LRCH1: variants seen among roughly 807,000 people sequenced by gnomAD.
LRCH1 encodes the protein leucine-rich repeat and calponin homology domain-containing protein 1.
In LRCH1, 23 loss-of-function variants were observed where a neutral mutation model predicts 94.9. The ratio of observed to expected loss-of-function variants is 0.24; its 90% confidence interval spans 0.17 to 0.34. LRCH1 has a LOEUF of 0.34. Among genes scored for constraint, LRCH1 ranks in the 10% least tolerant of loss-of-function variants. LRCH1 has a pLI of 1.00. For synonymous variants in LRCH1, 364 were observed against 354.9 expected, an observed-to-expected ratio of 1.03 and a Z score of -0.29; for missense variants, 790 against 945.9, an observed-to-expected ratio of 0.84 and a Z score of 2.16.
intron 1 of LRCH1, among the ~76,000 whole-genome samples, chr13:46,626,324 T>TAAACGTATACATCCAGATGGCCTGAAG (rs2050949305): frequency 1.3e-5 from 2 of 152,120 alleles, no homozygotes; most frequent in African/African-American, 4.8e-5. Context: ...CCCTGTGACT[T>TAAACGTATACATCCAGATGGCCTGAAG]AAACGTATAC....
intron 2 of LRCH1, among the ~76,000 whole-genome samples, chr13:46,655,773 T>A (rs1464652203): frequency 6.6e-6 from 1 of 152,164 alleles, no homozygotes; most frequent in Admixed American, 6.5e-5. Flanking sequence ...GGGACCTTGG[T>A]TAAAAAGTCT....
chr13:46,628,641 A>G (rs2050979387), intron 1 of LRCH1, among the ~76,000 whole-genome samples: 1 of 142,710 alleles, frequency 7.0e-6, no homozygotes, highest in African/African-American at 2.7e-5. Flanking sequence ...TGGGCGACAG[A>G]GCGATTCTCT....
chr13:46,731,641 T>C (rs1292112803), intron 18 of LRCH1, among the ~76,000 whole-genome samples: 4 of 152,234 alleles, frequency 2.6e-5, no homozygotes, highest in African/African-American at 7.2e-5. Context: ...TATCCACTTC[T>C]ACATGTCCAA....
chr13:46,686,626 G>A (rs754862422), intron 5 of LRCH1, among the ~76,000 whole-genome samples: 2 of 152,142 alleles, frequency 1.3e-5, no homozygotes, highest in Non-Finnish European at 2.9e-5. Flanking sequence ...AGGGGCAGGA[G>A]GGCAGGAGAG....
In LRCH1 at chr13:46,744,482, C is replaced by A. The variant is rs1410455700; in HGVS notation, c.*2634C>A. On this transcript the variant is annotated 3_prime_UTR_variant, in exon 20 of 20. Coordinates refer to ENST00000389797, the MANE Select transcript of LRCH1 (RefSeq NM_001164211.2). The stretch of plus-strand genomic sequence containing the variant: ...AATCATCTTTCCTATTTATGGATTT[C>A]TGGTTTGTTATTTTTAGGGAGAGAC... 2 of 985,216 alleles carry A rather than the reference C, an allele frequency of 2.0e-6. No homozygotes were observed. Among genetic ancestry groups the A allele is most frequent in the Admixed American group, 1.2e-4 (2 of 16,256 alleles). The allele number at this position is 985,216 out of a possible 1,614,324, so 61.0% of individuals were successfully genotyped here. A position where few individuals can be genotyped will look rare whatever the true frequency, so the allele number is the denominator to read the frequency against.
intron 1 of LRCH1, among the ~76,000 whole-genome samples, chr13:46,572,461 A>G (rs2050251113): frequency 6.6e-6 from 1 of 152,234 alleles, no homozygotes; most frequent in African/African-American, 2.4e-5. Context: ...GCGTGAAATG[A>G]AAGAGACATA....
intron 1 of LRCH1, among the ~76,000 whole-genome samples, chr13:46,616,453 G>A (rs1044700626): frequency 1.3e-5 from 2 of 152,120 alleles, no homozygotes; most frequent in East Asian, 1.9e-4. Context: ...CTGACAGCAC[G>A]GTGAGATACA....
At chr13:46,570,636 A>G (rs35184333) in intron 1 of LRCH1, among the ~76,000 whole-genome samples, 2,406 of 152,344 alleles carry the variant, frequency 0.016, 30 homozygotes, top group Non-Finnish European at 0.023. Context: ...TGCTTAAAAA[A>G]CAACAAAAAC....
chr13:46,600,702 T>C lies in LRCH1; in HGVS notation c.307+46999T>C, dbSNP rs115417630. Among the ~76,000 whole-genome samples, 659 of 151,944 alleles carry C rather than the reference T, an allele frequency of 4.3e-3. 4 individuals carry two copies. The highest frequency in any genetic ancestry group is 0.012 in the African/African-American group (502 of 41,418). On this transcript the variant is annotated intron_variant, in intron 1 of 19. Transcript: ENST00000389797. ...AGTTGCAGATGTTTACAGTTACTGC[T>C]AAGGATATGTGTTTCCATTTAATTT...
intron 1 of LRCH1, among the ~76,000 whole-genome samples, chr13:46,583,926 A>C (rs1416763476): frequency 2.0e-5 from 3 of 152,030 alleles, no homozygotes; most frequent in African/African-American, 7.2e-5. Flanking sequence ...GCGCCCAGCC[A>C]AGGAATTTTG....
chr13:46,733,573 G>A (rs1052369048), intron 18 of LRCH1, among the ~76,000 whole-genome samples: 2 of 151,838 alleles, frequency 1.3e-5, no homozygotes, highest in Non-Finnish European at 2.9e-5. Context: ...ACATACGTGT[G>A]TATACATATA....
Position 46,674,745 on chromosome 13 carries a change from G to GGT in LRCH1, c.579+5590_579+5591dup, listed in dbSNP as rs1296764114. ...TATAGTCTTGAAAATAAGCTAGCAA[G>GGT]GTAGGTATCATGTTTATATTTTACA... On this transcript the variant is annotated intron_variant, in intron 3 of 19. Transcript: ENST00000389797. 1.1e-4 allele frequency among the ~76,000 whole-genome samples: 16 copies of GGT among 152,338 alleles called. No individual in the cohort carries two copies. In the East Asian group the frequency reaches 2.9e-3, roughly 27 times the overall value.
chr13:46,576,068 A>G lies in LRCH1; in HGVS notation c.307+22365A>G, dbSNP rs566818600. ...TGGACAAACGTTGGAATTAGTCAGC[A>G]TTCCTTAAGCACATGCTGATTATGG... On this transcript the variant is annotated intron_variant, in intron 1 of 19. Coordinates refer to ENST00000389797, the MANE Select transcript of LRCH1 (RefSeq NM_001164211.2). Among the ~76,000 whole-genome samples, 15 of 152,322 alleles carry G rather than the reference A, an allele frequency of 9.8e-5. No individual in the cohort carries two copies. In the South Asian group the frequency reaches 2.9e-3, roughly 29 times the overall value.
chr13:46,560,147 ATAGACTTTT>A (rs1454840489), intron 1 of LRCH1, among the ~76,000 whole-genome samples: 1 of 150,016 alleles, frequency 6.7e-6, no homozygotes, highest in East Asian at 1.9e-4. Context: ...CCCCATATAT[ATAGACTTTT>A]TATATTTCAG....
At chr13:46,697,614 A>C (rs535249713) in intron 9 of LRCH1, among the ~76,000 whole-genome samples, 2 of 152,342 alleles carry the variant, frequency 1.3e-5, no homozygotes, top group East Asian at 3.9e-4. Flanking sequence ...ACTTATTTAC[A>C]ATAAGAGAGC....
At chr13:46,590,246 A>G (rs758644071) in intron 1 of LRCH1, among the ~76,000 whole-genome samples, 4 of 152,180 alleles carry the variant, frequency 2.6e-5, no homozygotes, top group Non-Finnish European at 5.9e-5. Context: ...TTTAAAAGAC[A>G]TGAACTAAAA....
intron 1 of LRCH1, among the ~76,000 whole-genome samples, chr13:46,567,769 G>T (rs1009482603): frequency 6.6e-6 from 1 of 152,068 alleles, no homozygotes; most frequent in South Asian, 2.1e-4. Flanking sequence ...GCTTGCTTTT[G>T]TCTCTTCCTC....
At chr13:46,654,535 G>GT (rs1176811302) in intron 2 of LRCH1, among the ~76,000 whole-genome samples, 1 of 152,098 alleles carries the variant, frequency 6.6e-6, no homozygotes, top group African/African-American at 2.4e-5. Flanking sequence ...CTAATCTAGT[G>GT]TTTTTTCTTC....
At chr13:46,621,814 A>G (rs1270110488) in intron 1 of LRCH1, among the ~76,000 whole-genome samples, 1 of 152,200 alleles carries the variant, frequency 6.6e-6, no homozygotes, top group Non-Finnish European at 1.5e-5. Context: ...TATTTTTTGT[A>G]TATTGTATTA....
Sources: gnomAD v4.1 joint callset for allele counts (sites outside exome capture counted in the v4.1 genomes callset) on GRCh38, gnomAD v4.1.1 for gene constraint, MANE v1.5 for transcripts, NCBI Gene and HGNC (gene_info 2026-07-23, HGNC 2026-07-21) for gene names.